Variants in CASP9 observed in about 807,000 individuals in gnomAD.
CASP9 encodes caspase 9.
CASP9 carries 29 observed loss-of-function variants against 43.5 expected under a neutral mutation model. The ratio of observed to expected loss-of-function variants is 0.67; its 90% confidence interval spans 0.50 to 0.91. CASP9 has a LOEUF of 0.91. Ranked by LOEUF, CASP9 falls within the 40% of genes least tolerant of loss-of-function variation. CASP9 has a pLI of 0.00. For synonymous variants in CASP9, 206 were observed against 211.9 expected, an observed-to-expected ratio of 0.97 and a Z score of 0.24; for missense variants, 575 against 537.4, an observed-to-expected ratio of 1.07 and a Z score of -0.69.
chr1:15,501,258 C>T (rs926090489), intron 6 of CASP9, among the ~76,000 whole-genome samples: 14 of 152,202 alleles, frequency 9.2e-5, no homozygotes, highest in African/African-American at 7.2e-5. Context: ...TTGCCTATCA[C>T]GCTGACGTTG....
intron 1 of CASP9, 113 bp downstream of exon 1, chr1:15,523,956 G>T: frequency 4.1e-6 from 3 of 735,780 alleles, no homozygotes; most frequent in South Asian, 2.0e-5. Context: ...GGGATTCTTT[G>T]GCTCCGCTGA....
chr1:15,505,049 C>T (rs911625162), intron 5 of CASP9, among the ~76,000 whole-genome samples: 7 of 152,274 alleles, frequency 4.6e-5, no homozygotes, highest in Non-Finnish European at 7.4e-5. Flanking sequence ...CCTGCAGCAG[C>T]GGCATCAATA....
intron 6 of CASP9, 110 bp from the exon 7 acceptor site, chr1:15,495,562 A>C (rs1359845207): frequency 2.0e-6 from 2 of 1,011,098 alleles, no homozygotes; most frequent in South Asian, 2.2e-5. Flanking sequence ...AAAGGAAAAT[A>C]AATCTTGGGA....
At chr1:15,500,405 G>A (rs969048193) in intron 6 of CASP9, among the ~76,000 whole-genome samples, 14 of 152,188 alleles carry the variant, frequency 9.2e-5, no homozygotes, top group African/African-American at 3.4e-4. Flanking sequence ...GGGCCCATCT[G>A]GCAGGAACAG....
rs545696200 is a variant in CASP9 at position 15,522,477 on chromosome 1, G to A, written c.132+1592C>T. Among the ~76,000 whole-genome samples, 6 of 152,256 alleles carry A rather than the reference G, an allele frequency of 3.9e-5. No individual in the cohort carries two copies. In the South Asian group the frequency reaches 1.2e-3, roughly 32 times the overall value. ...TCACACCTGTAATCCCAACACTGAG[G>A]CAGGAGAATCACTTGAGGCCAAGAG... On this transcript the variant is annotated intron_variant, in intron 1 of 8. Transcript: ENST00000333868.
At position 15,506,937 on chromosome 1, in the gene CASP9, G is replaced by A; in HGVS notation, c.592C>T (p.His198Tyr). The A allele has an allele frequency of 6.2e-7, 1 of 1,613,814 alleles. No homozygotes were observed. Among genetic ancestry groups the A allele is most frequent in the Non-Finnish European group, 8.5e-7 (1 of 1,179,832 alleles). ...TCGCCCTTCACCTCCACCATGAAATGCAGCGAGGAGAAGCGACGCCGCAAC... is the reference window on the plus strand; with the variant it reads ...TCGCCCTTCACCTCCACCATGAAATACAGCGAGGAGAAGCGACGCCGCAAC... ...EKLRRRFSSL[H>Y]FMVEVKGDLT... is the part of the protein sequence containing the mutation. Residue 198 changes from histidine (H) to tyrosine (Y), a missense_variant, in exon 4 of 9, where the codon CAT (histidine) becomes TAT (tyrosine). Coordinates refer to ENST00000333868, the MANE Select transcript of CASP9 (RefSeq NM_001229.5).
At chr1:15,521,690 T>C (rs559232672) in intron 1 of CASP9, among the ~76,000 whole-genome samples, 1 of 152,198 alleles carries the variant, frequency 6.6e-6, no homozygotes, top group African/African-American at 2.4e-5. Flanking sequence ...CCTTGCCTTA[T>C]ATCCAATAAC....
chr1:15,520,924 A>G (rs1421997379), intron 1 of CASP9, among the ~76,000 whole-genome samples: 1 of 152,116 alleles, frequency 6.6e-6, no homozygotes, highest in Non-Finnish European at 1.5e-5. Context: ...TTGGGAGGCC[A>G]AGGTGGGCAG....
At chr1:15,502,275 G>C (rs1053317664) in intron 6 of CASP9, among the ~76,000 whole-genome samples, 4 of 152,136 alleles carry the variant, frequency 2.6e-5, no homozygotes, top group Non-Finnish European at 5.9e-5. Context: ...GCCAAGAAAG[G>C]GGGTGTTTAG....
chr1:15,520,914 TTGGGAGGCCAAGG>T (rs1180804201), intron 1 of CASP9, among the ~76,000 whole-genome samples: 1 of 151,844 alleles, frequency 6.6e-6, no homozygotes, highest in Non-Finnish European at 1.5e-5. Context: ...TCCCAGCACT[TTGGGAGGCCAAGG>T]TGGGCAGATC....
chr1:15,511,892 C>T (rs182348006), intron 2 of CASP9, among the ~76,000 whole-genome samples: 321 of 152,302 alleles, frequency 2.1e-3, no homozygotes, highest in Non-Finnish European at 3.2e-3. Context: ...AGGACTGGCC[C>T]TCCCCAGCCC....
intron 1 of CASP9, chr1:15,519,905 CT>C (rs1349632211): frequency 2.0e-5 from 3 of 152,470 alleles, no homozygotes; most frequent in African/African-American, 7.2e-5. Context: ...ACTCAGGAGG[CT>C]GAGGCTCCCA....
Position 15,491,809 on chromosome 1 carries a change from A to G in CASP9, c.*1134T>C, listed in dbSNP as rs117258460. On this transcript the variant is annotated 3_prime_UTR_variant, in exon 9 of 9. Transcript: ENST00000333868. ...AATAGGCTGGCATAAGGACAGCTTA[A>G]AAGACCTCAGGGTGGAGCCTTGTGG... The G allele has an allele frequency of 9.8e-4, 164 of 167,074 alleles. 4 individuals are homozygous for G. The East Asian group carries it at 0.024, about 24-fold the overall frequency. 10.3% of individuals were successfully genotyped at this position (167,074 alleles called of 1,614,324 possible).
intron 1 of CASP9, among the ~76,000 whole-genome samples, chr1:15,519,431 C>A (rs1465151673): frequency 1.3e-5 from 2 of 152,142 alleles, no homozygotes; most frequent in East Asian, 3.8e-4. Context: ...ATCCACCAAC[C>A]TCAGCCTCTC....
intron 4 of CASP9, among the ~76,000 whole-genome samples, 185 bp downstream of exon 4, chr1:15,506,714 C>A (rs1570847885): frequency 6.6e-6 from 1 of 152,194 alleles, no homozygotes; most frequent in Non-Finnish European, 1.5e-5. Flanking sequence ...GCCGAGAGAG[C>A]CAGTCCTCAA....
At chr1:15,524,727 C>T (rs1000650637), upstream of CASP9, 14 of 1,033,298 alleles carry the variant, frequency 1.4e-5, no homozygotes, top group East Asian at 1.4e-3. Flanking sequence ...AGGGTCAATT[C>T]TGGGGTCACC....
chr1:15,510,653 G>C (rs997233695), intron 2 of CASP9, among the ~76,000 whole-genome samples: 1 of 152,082 alleles, frequency 6.6e-6, no homozygotes, highest in African/African-American at 2.4e-5. Flanking sequence ...CAAAGAAAGA[G>C]GGAGAGGAGA....
chr1:15,495,156 G>T, intron 7 of CASP9, 117 bp downstream of exon 7: 1 of 964,884 alleles, frequency 1.0e-6, no homozygotes, highest in Non-Finnish European at 1.5e-6. Flanking sequence ...GGGTCACAGA[G>T]GGGCAAAAGA....
chr1:15,522,096 C>A (rs1393017056), intron 1 of CASP9, among the ~76,000 whole-genome samples: 1 of 152,330 alleles, frequency 6.6e-6, no homozygotes, highest in Non-Finnish European at 1.5e-5. Context: ...ATTGTTTCAT[C>A]TTTTTCTCCC....
Sources: gnomAD v4.1 joint callset for allele counts (sites outside exome capture counted in the v4.1 genomes callset) on GRCh38, gnomAD v4.1.1 for gene constraint, MANE v1.5 for transcripts, NCBI Gene and HGNC (gene_info 2026-07-23, HGNC 2026-07-21) for gene names.